The following HOOK3 variants were observed in gnomAD, a reference collection of about 807,000 sequenced individuals.
HOOK3 encodes the protein hook microtubule tethering protein 3, also known as protein Hook homolog 3.
A neutral mutation model predicts 116.3 loss-of-function variants in HOOK3; 24 were observed. The ratio of observed to expected loss-of-function variants is 0.21; its 90% CI spans 0.15 to 0.29. The LOEUF is 0.29. Among genes scored for constraint, HOOK3 ranks in the 10% least tolerant of loss-of-function variants. The pLI is 1.00. For synonymous variants in HOOK3, 275 were observed against 283.0 expected, an observed-to-expected ratio of 0.97 and a Z score of 0.28; for missense variants, 632 against 830.2, an observed-to-expected ratio of 0.76 and a Z score of 2.93.
chr8:43,003,124 CTG>C (rs1338281934), intron 17 of HOOK3, among the ~76,000 whole-genome samples: 1 of 152,140 alleles, frequency 6.6e-6, no homozygotes, highest in African/African-American at 2.4e-5. Context: ...GAATTAGTGA[CTG>C]TGAATTAATA....
Position 43,018,567 on chromosome 8 carries a change from C to T in HOOK3, c.*69C>T. 7.2e-7 allele frequency: 1 copy of T among 1,397,760 alleles called. No homozygotes were observed. The highest frequency in any genetic ancestry group is 9.4e-7 in the Non-Finnish European group (1 of 1,058,906). The allele number at this position is 1,397,760 out of a possible 1,614,324, so 86.6% of individuals were successfully genotyped here. A position where few individuals can be genotyped will look rare whatever the true frequency, so the allele number is the denominator to read the frequency against. ...ACTTCTGTTACACACAAGAACATTT[C>T]AGGAAACTCAGCCAGCTTATTTTTT... is the stretch of plus-strand genomic sequence containing the variant. On this transcript the variant is annotated 3_prime_UTR_variant, in exon 22 of 22. Transcript: ENST00000307602.
At chr8:42,952,987 A>G (rs1044303529) in intron 6 of HOOK3, among the ~76,000 whole-genome samples, 10 of 152,080 alleles carry the variant, frequency 6.6e-5, no homozygotes, top group Middle Eastern at 3.4e-3. Context: ...TCATGTTTAT[A>G]TTTCTAGCCG....
chr8:42,977,034 T>G (rs1385232968), intron 13 of HOOK3, among the ~76,000 whole-genome samples: 3 of 152,218 alleles, frequency 2.0e-5, no homozygotes, highest in East Asian at 1.9e-4. Flanking sequence ...ATGTTTCTTG[T>G]GCACATCAAT....
At chr8:42,946,669 A>G (rs940105180) in intron 5 of HOOK3, among the ~76,000 whole-genome samples, 1 of 151,842 alleles carries the variant, frequency 6.6e-6, no homozygotes. Flanking sequence ...AGTTATGACT[A>G]ATTTTATTGG....
intron 2 of HOOK3, among the ~76,000 whole-genome samples, chr8:42,908,565 C>G (rs1479353427): frequency 1.3e-5 from 2 of 152,202 alleles, no homozygotes; most frequent in Non-Finnish European, 2.9e-5. Flanking sequence ...GAGAAAAGGA[C>G]AAGTCTCTTC....
In HOOK3 at chr8:42,973,270, T is replaced by C. The variant is rs767197033; in HGVS notation, c.1123-19T>C. On this transcript the variant is annotated intron_variant, in intron 11 of 21. Coordinates refer to ENST00000307602, the MANE Select transcript of HOOK3 (RefSeq NM_032410.4). Reference sequence around the variant, plus strand: ...AATGTCTCAGATTATGTATAAGTAATGGTATCTTTCTGTATCAGGTAGTAG... The same window carrying C: ...AATGTCTCAGATTATGTATAAGTAACGGTATCTTTCTGTATCAGGTAGTAG... The C allele has an allele frequency of 8.2e-6, 13 of 1,592,904 alleles. 1 individual carries two copies. The highest frequency in any genetic ancestry group is 5.7e-5 in the South Asian group (5 of 88,290).
chr8:43,011,449 A>ATG (rs147559520), intron 19 of HOOK3, among the ~76,000 whole-genome samples: 14,328 of 150,286 alleles, frequency 0.095, 735 homozygotes, highest in African/African-American at 0.13. Context: ...AAGTAACAGC[A>ATG]TGTGTGTGTG....
At chr8:42,956,970 T>C (rs1808448426) in intron 6 of HOOK3, 124 bp from the exon 7 acceptor site, 1 of 495,434 alleles carries the variant, frequency 2.0e-6, no homozygotes, top group South Asian at 4.1e-5. Flanking sequence ...GTGTTTTACA[T>C]GCATGTTTTC....
In HOOK3 at chr8:42,976,234, A is replaced by T. The variant is rs145637421; in HGVS notation, c.1321+2040A>T. Reference sequence around the variant, plus strand: ...AGAAAAGGGCAAATTTAGGCCAGGCATGGTGGTCATGCCTGTAATCTAACC... The same window carrying T: ...AGAAAAGGGCAAATTTAGGCCAGGCTTGGTGGTCATGCCTGTAATCTAACC... On this transcript the variant is annotated intron_variant, in intron 13 of 21. Coordinates refer to ENST00000307602, the MANE Select transcript of HOOK3 (RefSeq NM_032410.4). Among the ~76,000 whole-genome samples the T allele has an allele frequency of 2.8e-3, 432 of 152,268 alleles. 1 individual carries two copies. Among genetic ancestry groups the T allele is most frequent in the Non-Finnish European group, 4.3e-3 (293 of 68,002 alleles).
At chr8:43,007,472 T>A (rs2130482134) in intron 17 of HOOK3, among the ~76,000 whole-genome samples, 1 of 152,336 alleles carries the variant, frequency 6.6e-6, no homozygotes, top group Admixed American at 6.5e-5. Flanking sequence ...AGTATATCAT[T>A]AGTTCATTTT....
rs139843155 is a variant in HOOK3, at chr8:43,025,212, C to G, written c.*6714C>G. ...GATAGATAAATATATAGATATAGAT[C>G]AGGAATTACTTGATGTCTCTTCAGA... On this transcript the variant is annotated 3_prime_UTR_variant, in exon 22 of 22. Coordinates refer to ENST00000307602, the MANE Select transcript of HOOK3 (RefSeq NM_032410.4). The G allele has an allele frequency of 4.9e-5, 10 of 205,248 alleles. No homozygotes were observed. The highest frequency in any genetic ancestry group is 6.0e-5 in the Non-Finnish European group (6 of 100,372). 12.7% of individuals were successfully genotyped at this position (205,248 alleles called of 1,614,324 possible). A position where few individuals can be genotyped will look rare whatever the true frequency, so the allele number is the denominator to read the frequency against.
chr8:43,023,771 T>G lies in HOOK3; in HGVS notation c.*5273T>G, dbSNP rs1044642344. On this transcript the variant is annotated 3_prime_UTR_variant, in exon 22 of 22. Coordinates refer to ENST00000307602, the MANE Select transcript of HOOK3 (RefSeq NM_032410.4). Reference sequence around the variant, plus strand: ...TTACTGCCCCAGCCTCCTATTTCCTTTTCGAAAGTAGCAGTTTGGTTTATT... The same window carrying G: ...TTACTGCCCCAGCCTCCTATTTCCTGTTCGAAAGTAGCAGTTTGGTTTATT... 3 of 196,120 alleles carry G rather than the reference T, an allele frequency of 1.5e-5. No individual in the cohort carries two copies. The highest frequency in any genetic ancestry group is 6.9e-5 in the African/African-American group (3 of 43,282). The allele number at this position is 196,120 out of a possible 1,614,324, so 12.1% of individuals were successfully genotyped here.
At position 42,968,055 on chromosome 8, in the gene HOOK3, A is replaced by G. The variant is rs770315687; in HGVS notation, c.963A>G (p.Glu321=). The G allele has an allele frequency of 8.1e-6, 13 of 1,605,478 alleles. No individual in the cohort carries two copies. Among genetic ancestry groups the G allele is most frequent in the Non-Finnish European group, 1.0e-5 (12 of 1,172,398 alleles). Residue 321 remains glutamate, a synonymous_variant, in exon 11 of 22, where the codon GAA becomes GAG. Transcript: ENST00000307602. ...DKVSKLEGQV[E]SYKKKLEDLG... Reference sequence around the variant, plus strand: ...TATCTAAACTAGAAGGTCAAGTAGAATCTTATAAAAAGAAGCTAGAAGACC... The same window carrying G: ...TATCTAAACTAGAAGGTCAAGTAGAGTCTTATAAAAAGAAGCTAGAAGACC...
At chr8:43,016,595 G>A (rs1809722631) in intron 21 of HOOK3, among the ~76,000 whole-genome samples, 1 of 152,236 alleles carries the variant, frequency 6.6e-6, no homozygotes, top group Non-Finnish European at 1.5e-5. Context: ...AAGTAGCTCA[G>A]AGAATGCCCT....
intron 7 of HOOK3, among the ~76,000 whole-genome samples, chr8:42,958,849 A>G (rs1388287635): frequency 6.6e-6 from 1 of 151,952 alleles, no homozygotes; most frequent in African/African-American, 2.4e-5. Flanking sequence ...TTGTGTTGAA[A>G]TGTTCTAGCT....
chr8:42,926,315 C>A (rs548505378), intron 3 of HOOK3, among the ~76,000 whole-genome samples: 2 of 152,184 alleles, frequency 1.3e-5, no homozygotes, highest in African/African-American at 4.8e-5. Flanking sequence ...GAGATGGAGT[C>A]TTCTCTGTCC....
At chr8:42,925,120 CA>C (rs1273357478) in intron 2 of HOOK3, among the ~76,000 whole-genome samples, 5 of 151,906 alleles carry the variant, frequency 3.3e-5, no homozygotes, top group African/African-American at 1.2e-4. Flanking sequence ...TGTTTTGAGA[CA>C]GGGTCTCACT....
At chr8:43,001,462 G>A (rs1809379628) in intron 16 of HOOK3, among the ~76,000 whole-genome samples, 1 of 151,690 alleles carries the variant, frequency 6.6e-6, no homozygotes, top group Admixed American at 6.6e-5. Context: ...CTGTATAAGT[G>A]TTAAATTATG....
chr8:42,899,053 G>A (rs1358682037), intron 1 of HOOK3, among the ~76,000 whole-genome samples: 1 of 151,810 alleles, frequency 6.6e-6, no homozygotes, highest in East Asian at 1.9e-4. Context: ...TCATTGTAAA[G>A]TTGAAAAGTC....
Sources: allele counts gnomAD v4.1 joint callset (sites outside exome capture counted in the v4.1 genomes callset), GRCh38; gene constraint gnomAD v4.1.1; transcripts MANE v1.5; gene names NCBI Gene and HGNC (gene_info 2026-07-23, HGNC 2026-07-21).